The following N4BP1 variants were observed in gnomAD, a reference collection of about 807,000 sequenced individuals.
The protein encoded by N4BP1 is NEDD4-binding protein 1.
Under a neutral mutation model 70.9 loss-of-function variants are expected in N4BP1, and 21 were observed. That is an observed-to-expected ratio of 0.30 (90% CI 0.21 to 0.43). N4BP1 has a LOEUF of 0.43. N4BP1 is among the 20% of genes least tolerant of loss of function. The pLI is 1.00. For synonymous variants in N4BP1, 387 were observed against 394.6 expected (o/e 0.98, Z 0.23); for missense variants, 936 against 1,069.4 (o/e 0.88, Z 1.74).
chr16:48,561,560 T>G lies in N4BP1; in HGVS notation c.1083A>C (p.Gln361His). ...CCTTAATGACCTTTTCAACAATTTCTTGGGAGTAGCCCATGGTTTTAAAAA... is the reference window on the plus strand; with the variant it reads ...CCTTAATGACCTTTTCAACAATTTCGTGGGAGTAGCCCATGGTTTTAAAAA... ...VNFFKTMGYS[Q>H]EIVEKVIKVY... The change falls in exon 2 of 7, where the codon CAA becomes CAC. Residue 361 changes from glutamine (Q) to histidine (H), a missense_variant. By Grantham distance (24) the Gln-to-His change is conservative. Around this residue, in one of 4 missense-constraint regions of N4BP1, gnomAD observed 515 missense variants for 491.7 expected, o/e 1.05. Transcript: ENST00000262384. 1 of 1,613,962 alleles carries G rather than the reference T, an allele frequency of 6.2e-7. No individual in the cohort carries two copies. The highest frequency in any genetic ancestry group is 8.5e-7 in the Non-Finnish European group (1 of 1,179,888).
At chr16:48,544,122 T>C (rs1009065430) in intron 6 of N4BP1, among the ~76,000 whole-genome samples, 1 of 152,182 alleles carries the variant, frequency 6.6e-6, no homozygotes, top group African/African-American at 2.4e-5. Context: ...CAAAATGAGA[T>C]GGACTGATGA....
In N4BP1 at chr16:48,561,357, T is replaced by G; in HGVS notation, c.1286A>C (p.Lys429Thr). 1 of 1,613,986 alleles carries G rather than the reference T, an allele frequency of 6.2e-7. No homozygotes were observed. Among genetic ancestry groups the G allele is most frequent in the East Asian group, 2.2e-5 (1 of 44,876 alleles). Residue 429 changes from lysine to threonine, a missense_variant, in exon 2 of 7, where the codon AAA becomes ACA. Lys to Thr is a moderately conservative substitution (Grantham distance 78, BLOSUM62 -1). Around this residue, in one of 4 missense-constraint regions of N4BP1, gnomAD observed 515 missense variants for 491.7 expected, o/e 1.05. Coordinates refer to ENST00000262384, the MANE Select transcript of N4BP1 (RefSeq NM_153029.4). ...ATTTTGCTGTGTGTGAGCCTGTGTTTTCTTTGGAGTGGAATCAGTTGTAAG... is the reference window on the plus strand; with the variant it reads ...ATTTTGCTGTGTGTGAGCCTGTGTTGTCTTTGGAGTGGAATCAGTTGTAAG... ...NELTTDSTPKKTQAHTQQNMV... is the reference protein window; with the variant it reads ...NELTTDSTPKTTQAHTQQNMV...
intron 1 of N4BP1, among the ~76,000 whole-genome samples, chr16:48,589,751 T>C (rs1368026057): frequency 6.6e-6 from 1 of 152,214 alleles, no homozygotes; most frequent in East Asian, 1.9e-4. Context: ...AGGAATTCAC[T>C]TTGTAGACTG....
At chr16:48,577,689 G>T in intron 1 of N4BP1, 1 of 210,992 alleles carries the variant, frequency 4.7e-6, no homozygotes, top group Non-Finnish European at 9.9e-6. Flanking sequence ...CATCAAAGGT[G>T]GTCTTGGCAA....
intron 1 of N4BP1, among the ~76,000 whole-genome samples, chr16:48,601,473 T>C (rs190248341): frequency 2.0e-3 from 299 of 151,962 alleles, no homozygotes; most frequent in Non-Finnish European, 4.0e-4. Flanking sequence ...TAAAACCATT[T>C]AAAAAGTTAA....
intron 1 of N4BP1, among the ~76,000 whole-genome samples, chr16:48,598,846 C>T (rs765193600): frequency 1.3e-5 from 2 of 151,780 alleles, no homozygotes; most frequent in Admixed American, 6.6e-5. Flanking sequence ...GATCCATTGG[C>T]AAAGAAAGCC....
intron 1 of N4BP1, among the ~76,000 whole-genome samples, chr16:48,604,717 ATATTT>A (rs1964552774): frequency 1.3e-5 from 2 of 152,174 alleles, no homozygotes. Context: ...TAGTTTAAAA[ATATTT>A]TATTCATATA....
intron 1 of N4BP1, among the ~76,000 whole-genome samples, chr16:48,592,711 A>G (rs753317143): frequency 7.2e-5 from 11 of 152,260 alleles, no homozygotes; most frequent in Non-Finnish European, 1.2e-4. Context: ...GTAAATAAAA[A>G]TATCTTCCAA....
chr16:48,564,568 T>C (rs1963911629), intron 1 of N4BP1, among the ~76,000 whole-genome samples: 1 of 152,186 alleles, frequency 6.6e-6, no homozygotes, highest in African/African-American at 2.4e-5. Context: ...TTACTGTAAC[T>C]CTATAATTTC....
In N4BP1 at chr16:48,538,827, G is replaced by GT; in HGVS notation, c.*4076_*4077insA. On this transcript the variant is annotated 3_prime_UTR_variant, in exon 7 of 7. Transcript: ENST00000262384. ...CACAGGCGGTCCCTGCCCACGAGGA[G>GT]CTCACAGTCTAGAAAGGGCAGCAAG... is the stretch of plus-strand genomic sequence containing the variant. 2.6e-5 allele frequency: 4 copies of GT among 153,012 alleles called. No homozygotes were observed. 9.5% of individuals were successfully genotyped at this position (153,012 alleles called of 1,614,324 possible). A position where few individuals can be genotyped will look rare whatever the true frequency, so the allele number is the denominator to read the frequency against.
At chr16:48,579,734 T>C (rs866707438) in intron 1 of N4BP1, among the ~76,000 whole-genome samples, 4 of 149,498 alleles carry the variant, frequency 2.7e-5, no homozygotes, top group African/African-American at 7.4e-5. Flanking sequence ...ACTTCACCAG[T>C]AGGGTCACAC....
At chr16:48,586,485 A>G (rs917014543) in intron 1 of N4BP1, among the ~76,000 whole-genome samples, 3 of 152,144 alleles carry the variant, frequency 2.0e-5, no homozygotes, top group Non-Finnish European at 4.4e-5. Flanking sequence ...CCGTAACTAC[A>G]CGATTAGTTT....
intron 1 of N4BP1, among the ~76,000 whole-genome samples, chr16:48,581,813 T>C (rs1362703991): frequency 1.3e-5 from 2 of 152,144 alleles, no homozygotes; most frequent in Admixed American, 1.3e-4. Flanking sequence ...TAAAGATGGA[T>C]TAAAGACTTA....
chr16:48,567,287 AC>A (rs1287420973), intron 1 of N4BP1, among the ~76,000 whole-genome samples: 2 of 152,146 alleles, frequency 1.3e-5, no homozygotes, highest in African/African-American at 4.8e-5. Context: ...TTTGCATTAT[AC>A]AAACACTTAG....
chr16:48,602,434 C>T (rs559567973), intron 1 of N4BP1, among the ~76,000 whole-genome samples: 172 of 152,252 alleles, frequency 1.1e-3, no homozygotes, highest in Non-Finnish European at 2.1e-3. Context: ...TCCTACAATA[C>T]TGGCTGGGAA....
chr16:48,609,685 G>A (rs1287440414), intron 1 of N4BP1, 90 bp downstream of exon 1: 1 of 1,128,702 alleles, frequency 8.9e-7, no homozygotes, highest in African/African-American at 1.6e-5. Flanking sequence ...CAGGCGCATC[G>A]CGGCGGACGG....
chr16:48,546,763 T>C (rs1197302774), intron 5 of N4BP1, among the ~76,000 whole-genome samples: 1 of 152,202 alleles, frequency 6.6e-6, no homozygotes, highest in African/African-American at 2.4e-5. Flanking sequence ...GAAAATAAAA[T>C]AATTTTTAAA....
At chr16:48,571,528 C>T (rs959796072) in intron 1 of N4BP1, among the ~76,000 whole-genome samples, 32 of 152,020 alleles carry the variant, frequency 2.1e-4, no homozygotes, top group Non-Finnish European at 4.0e-4. Context: ...CTAGGTAATG[C>T]AGGTCACAAA....
At chr16:48,602,533 C>T (rs956946641) in intron 1 of N4BP1, among the ~76,000 whole-genome samples, 5 of 152,076 alleles carry the variant, frequency 3.3e-5, no homozygotes, top group African/African-American at 9.7e-5. Flanking sequence ...TCTGGTATAA[C>T]CCCAAAATGT....
Sources: allele counts gnomAD v4.1 joint callset (sites outside exome capture counted in the v4.1 genomes callset), GRCh38; gene constraint gnomAD v4.1.1; regional missense constraint gnomAD v4.1.1; transcripts MANE v1.5; gene names NCBI Gene and HGNC (gene_info 2026-07-23, HGNC 2026-07-21).